GRXCR2: variants seen among roughly 807,000 people sequenced by gnomAD.
GRXCR2 encodes the protein glutaredoxin and cysteine rich domain containing 2.
GRXCR2 carries 23 observed loss-of-function variants against 24.8 expected under a neutral mutation model. The ratio of observed to expected loss-of-function variants is 0.93; its 90% confidence interval spans 0.67 to 1.32. GRXCR2 has a LOEUF of 1.32. GRXCR2 is among the 40% of genes most tolerant of loss of function. The probability of loss-of-function intolerance (pLI) is 0.00; values close to 1 mark genes in which losing one functional copy is unlikely to be tolerated. For missense variants in GRXCR2, 315 were observed against 303.4 expected, an observed-to-expected ratio of 1.04 and a Z score of -0.28; for synonymous variants, 130 against 116.1, an observed-to-expected ratio of 1.12 and a Z score of -0.77.
chr5:145,927,061 T>C (rs1757409223), intron 2 of GRXCR2, among the ~76,000 whole-genome samples: 2 of 152,204 alleles, frequency 1.3e-5, no homozygotes, highest in South Asian at 4.1e-4. Context: ...ATGCTTGTGA[T>C]TTTTGCACAT....
chr5:145,891,750 T>C (rs966231972), intron 2 of GRXCR2, among the ~76,000 whole-genome samples: 1 of 152,140 alleles, frequency 6.6e-6, no homozygotes, highest in African/African-American at 2.4e-5. Flanking sequence ...CTCTGCAGAA[T>C]TAAATGTCCC....
At chr5:145,874,386 T>C (rs1313359584), upstream of GRXCR2, among the ~76,000 whole-genome samples, 1 of 152,012 alleles carries the variant, frequency 6.6e-6, no homozygotes, top group African/African-American at 2.4e-5. Context: ...GTATTTTTAG[T>C]AGAGATGGAG....
At chr5:145,896,646 G>A (rs1311696701) in intron 2 of GRXCR2, among the ~76,000 whole-genome samples, 1 of 152,192 alleles carries the variant, frequency 6.6e-6, no homozygotes, top group Non-Finnish European at 1.5e-5. Flanking sequence ...AGGTGCTGGA[G>A]AGGATGTGGA....
At chr5:145,875,404 C>A (rs1469965208), upstream of GRXCR2, among the ~76,000 whole-genome samples, 1 of 152,034 alleles carries the variant, frequency 6.6e-6, no homozygotes, top group Non-Finnish European at 1.5e-5. Flanking sequence ...CAAAAATTAG[C>A]AGGGTGTGGT....
At chr5:145,891,263 C>T (rs574511786) in intron 2 of GRXCR2, among the ~76,000 whole-genome samples, 2 of 152,130 alleles carry the variant, frequency 1.3e-5, no homozygotes, top group Non-Finnish European at 2.9e-5. Context: ...GTTCAACTCA[C>T]TGGGGAATGT....
At chr5:145,877,315 A>AT (rs1293223140), upstream of GRXCR2, among the ~76,000 whole-genome samples, 91 of 151,906 alleles carry the variant, frequency 6.0e-4, no homozygotes, top group African/African-American at 2.2e-3. Context: ...AGAAAGGTCG[A>AT]TTAAAAAAAA....
chr5:145,873,490 TG>T (rs2149912559), upstream of GRXCR2, among the ~76,000 whole-genome samples: 1 of 152,338 alleles, frequency 6.6e-6, no homozygotes, highest in Non-Finnish European at 1.5e-5. Flanking sequence ...TAGAGCCACT[TG>T]TCATTTATCT....
intron 2 of GRXCR2, among the ~76,000 whole-genome samples, chr5:145,898,138 C>T (rs557871302): frequency 6.6e-6 from 1 of 152,050 alleles, no homozygotes; most frequent in East Asian, 1.9e-4. Context: ...GGTGACATTA[C>T]AACTGATCTC....
chr5:145,901,761 C>T (rs1335195824), intron 2 of GRXCR2, among the ~76,000 whole-genome samples: 1 of 152,038 alleles, frequency 6.6e-6, no homozygotes, highest in Non-Finnish European at 1.5e-5. Context: ...AGAACAAAGG[C>T]CCTGTAGCGG....
chr5:145,927,843 G>C (rs11167918), intron 2 of GRXCR2, among the ~76,000 whole-genome samples: 27,521 of 151,850 alleles, frequency 0.18, 2,715 homozygotes, highest in Non-Finnish European at 0.22. Flanking sequence ...TAGGCATGGG[G>C]AAGCACTTCA....
At chr5:145,925,578 TC>T (rs907337118) in intron 2 of GRXCR2, among the ~76,000 whole-genome samples, 29 of 152,098 alleles carry the variant, frequency 1.9e-4, no homozygotes, top group African/African-American at 7.0e-4. Context: ...AAATGAGTCA[TC>T]CTCATCACTC....
intron 2 of GRXCR2, among the ~76,000 whole-genome samples, chr5:145,904,098 C>T (rs570558708): frequency 2.0e-5 from 3 of 152,150 alleles, no homozygotes; most frequent in Admixed American, 6.5e-5. Context: ...TCTGACTAAC[C>T]CCAGATTTGT....
chr5:145,927,109 C>A (rs1310915740), intron 2 of GRXCR2, among the ~76,000 whole-genome samples: 3 of 152,202 alleles, frequency 2.0e-5, no homozygotes, highest in African/African-American at 7.2e-5. Context: ...AGTTGCCTAT[C>A]AGCTTAAGGA....
chr5:145,885,889 C>T (rs1419249313), intron 2 of GRXCR2, among the ~76,000 whole-genome samples: 3 of 152,060 alleles, frequency 2.0e-5, no homozygotes, highest in Non-Finnish European at 4.4e-5. Context: ...GCATGTTCTA[C>T]ATAAGAAAAA....
chr5:145,916,297 G>A (rs1327458606), intron 2 of GRXCR2, among the ~76,000 whole-genome samples: 1 of 152,190 alleles, frequency 6.6e-6, no homozygotes, highest in Admixed American at 6.5e-5. Context: ...GAATAAAAAA[G>A]CTTATTATTA....
intron 2 of GRXCR2, among the ~76,000 whole-genome samples, chr5:145,925,684 G>A (rs960038672): frequency 1.3e-5 from 2 of 152,116 alleles, no homozygotes; most frequent in South Asian, 4.1e-4. Context: ...GTGAAAGAGA[G>A]ACACAATTTA....
intron 2 of GRXCR2, among the ~76,000 whole-genome samples, chr5:145,900,170 T>C (rs1397143792): frequency 6.6e-6 from 1 of 151,768 alleles, no homozygotes; most frequent in East Asian, 1.9e-4. Flanking sequence ...GAGGAGGGGG[T>C]CTGGTGGGAG....
At chr5:145,897,494 C>T (rs988280007) in intron 2 of GRXCR2, among the ~76,000 whole-genome samples, 1 of 152,022 alleles carries the variant, frequency 6.6e-6, no homozygotes, top group African/African-American at 2.4e-5. Flanking sequence ...GAATACTTCA[C>T]CCATTAATCA....
chr5:145,876,216 T>TATACAC (rs1420891903), upstream of GRXCR2, among the ~76,000 whole-genome samples: 86 of 133,894 alleles, frequency 6.4e-4, no homozygotes, highest in Non-Finnish European at 1.0e-3. Flanking sequence ...TATATATATA[T>TATACAC]ACACACACAC....
Sources: allele counts gnomAD v4.1 joint callset (sites outside exome capture counted in the v4.1 genomes callset), GRCh38; gene constraint gnomAD v4.1.1; transcripts MANE v1.5; gene names NCBI Gene and HGNC (gene_info 2026-07-23, HGNC 2026-07-21).